LRP1B: variants seen among roughly 807,000 people sequenced by gnomAD.
The protein encoded by LRP1B is low-density lipoprotein receptor-related protein 1B.
LRP1B carries 217 observed loss-of-function variants against 556.6 expected under a neutral mutation model. The ratio of observed to expected loss-of-function variants is 0.39; its 90% CI spans 0.35 to 0.44. The LOEUF (loss-of-function observed/expected upper bound fraction) is 0.44, where lower values mean the gene tolerates loss of function less well. LRP1B is among the 20% of genes least tolerant of loss of function. The pLI is 1.00. For missense variants in LRP1B, 5,053 were observed against 5,620.8 expected (o/e 0.90, Z 3.23); for synonymous variants, 2,047 against 1,865.8 (o/e 1.10, Z -2.50).
chr2:140,436,608 CTTTT>C (rs56972100), intron 66 of LRP1B, among the ~76,000 whole-genome samples: 2 of 139,248 alleles, frequency 1.4e-5, no homozygotes, highest in Non-Finnish European at 1.6e-5. Flanking sequence ...TGCTCACTGT[CTTTT>C]TTTTTTTTTT....
chr2:140,576,029 C>A (rs1351990730), intron 43 of LRP1B, among the ~76,000 whole-genome samples: 1 of 152,114 alleles, frequency 6.6e-6, no homozygotes, highest in Admixed American at 6.5e-5. Flanking sequence ...GATCTTGGTA[C>A]TCTTGATCTT....
intron 17 of LRP1B, among the ~76,000 whole-genome samples, chr2:140,985,304 T>C (rs571455487): frequency 6.6e-6 from 1 of 151,668 alleles, no homozygotes; most frequent in Admixed American, 6.6e-5. Context: ...CAAAATGCAC[T>C]ATTATTTTGT....
chr2:142,021,167 A>G (rs1260339718), intron 1 of LRP1B, among the ~76,000 whole-genome samples: 3 of 152,210 alleles, frequency 2.0e-5, no homozygotes, highest in Admixed American at 2.0e-4. Flanking sequence ...TGCATTCCAG[A>G]GATATAATGA....
chr2:141,132,400 A>G (rs1296454441), intron 7 of LRP1B, among the ~76,000 whole-genome samples: 1 of 151,894 alleles, frequency 6.6e-6, no homozygotes, highest in African/African-American at 2.4e-5. Flanking sequence ...TTCCTCTTTA[A>G]ATGTATTTAC....
At chr2:140,981,751 G>T (rs1696775715) in intron 18 of LRP1B, among the ~76,000 whole-genome samples, 1 of 152,000 alleles carries the variant, frequency 6.6e-6, no homozygotes, top group Non-Finnish European at 1.5e-5. Context: ...ATTCTTCCCA[G>T]AAGATAACAT....
intron 7 of LRP1B, among the ~76,000 whole-genome samples, chr2:141,182,457 C>T (rs1383196968): frequency 6.6e-6 from 1 of 151,974 alleles, no homozygotes; most frequent in Non-Finnish European, 1.5e-5. Flanking sequence ...AATCTGAGTA[C>T]TGCTTCTGTG....
chr2:141,909,526 ATTT>A (rs377577096), intron 1 of LRP1B, among the ~76,000 whole-genome samples: 1,257 of 92,386 alleles, frequency 0.014, 8 homozygotes, highest in African/African-American at 0.057. Context: ...GGTCTCAGAC[ATTT>A]TTTTTTTTTT....
chr2:140,698,410 A>T (rs1283315919), intron 41 of LRP1B, among the ~76,000 whole-genome samples: 1 of 152,140 alleles, frequency 6.6e-6, no homozygotes, highest in Non-Finnish European at 1.5e-5. Flanking sequence ...GAATAATGCA[A>T]CAATTGCGTT....
intron 2 of LRP1B, among the ~76,000 whole-genome samples, chr2:141,660,483 C>T (rs543370699): frequency 1.8e-4 from 27 of 152,058 alleles, no homozygotes; most frequent in African/African-American, 4.1e-4. Context: ...CAGTTCCCCC[C>T]CGCTGGTGCC....
intron 3 of LRP1B, among the ~76,000 whole-genome samples, chr2:141,321,182 C>G (rs533886539): frequency 6.6e-6 from 1 of 152,052 alleles, no homozygotes; most frequent in African/African-American, 2.4e-5. Context: ...CCTCAGTACT[C>G]TTGAAGCTTT....
At chr2:141,240,573 C>G (rs971851330) in intron 5 of LRP1B, among the ~76,000 whole-genome samples, 1 of 151,588 alleles carries the variant, frequency 6.6e-6, no homozygotes, top group African/African-American at 2.4e-5. Context: ...ATTAAAATAT[C>G]CAATTTTAAG....
chr2:141,525,177 C>A (rs567544539), intron 2 of LRP1B, among the ~76,000 whole-genome samples: 1 of 152,168 alleles, frequency 6.6e-6, no homozygotes. Flanking sequence ...CTTTTAACAC[C>A]TGGCACATGA....
chr2:140,652,442 T>A (rs542849333), intron 41 of LRP1B, among the ~76,000 whole-genome samples: 41 of 152,120 alleles, frequency 2.7e-4, no homozygotes, highest in South Asian at 6.2e-4. Context: ...AAGCATATTA[T>A]CAGAAAAATT....
At chr2:141,874,815 T>TAAGCTAATCTA (rs1246470602) in intron 1 of LRP1B, among the ~76,000 whole-genome samples, 2 of 151,982 alleles carry the variant, frequency 1.3e-5, no homozygotes, top group South Asian at 4.1e-4. Flanking sequence ...AAGACACTTT[T>TAAGCTAATCTA]AAGCTAATCT....
intron 49 of LRP1B, 46 bp from the exon 50 acceptor site, chr2:140,517,057 G>A (rs2104939988): frequency 3.6e-6 from 5 of 1,370,234 alleles, no homozygotes; most frequent in Non-Finnish European, 4.2e-6. Flanking sequence ...TTAGACTTCT[G>A]AAATATAGGT....
At chr2:140,513,509 A>G (rs1488081968) in intron 51 of LRP1B, among the ~76,000 whole-genome samples, 1 of 151,864 alleles carries the variant, frequency 6.6e-6, no homozygotes, top group Non-Finnish European at 1.5e-5. Flanking sequence ...TTTTTCTTTC[A>G]CAGCTTTTTG....
intron 7 of LRP1B, among the ~76,000 whole-genome samples, chr2:141,151,709 T>C (rs1701931548): frequency 6.6e-6 from 1 of 152,132 alleles, no homozygotes; most frequent in African/African-American, 2.4e-5. Flanking sequence ...ATTAGATCAA[T>C]ATCTTTTTTA....
chr2:141,519,917 C>T (rs925742423), intron 2 of LRP1B, among the ~76,000 whole-genome samples: 1 of 152,042 alleles, frequency 6.6e-6, no homozygotes, highest in Admixed American at 6.6e-5. Flanking sequence ...AGACAGTAGC[C>T]TTACATTTCC....
At chr2:140,481,696 C>T (rs1688254269) in intron 59 of LRP1B, among the ~76,000 whole-genome samples, 1 of 151,198 alleles carries the variant, frequency 6.6e-6, no homozygotes, top group South Asian at 2.1e-4. Context: ...TTTCTGTGTT[C>T]CCATATTCTG....
Sources: allele counts gnomAD v4.1 joint callset (sites outside exome capture counted in the v4.1 genomes callset), GRCh38; gene constraint gnomAD v4.1.1; transcripts MANE v1.5; gene names NCBI Gene and HGNC (gene_info 2026-07-23, HGNC 2026-07-21).